COL21A1: variants seen among roughly 807,000 people sequenced by gnomAD.
COL21A1 encodes the protein collagen alpha-1(XXI) chain.
In COL21A1, 149 loss-of-function variants were observed where a neutral mutation model predicts 137.9. That is an observed-to-expected ratio of 1.08 (90% CI 0.95 to 1.24). The LOEUF (loss-of-function observed/expected upper bound fraction) is 1.24. COL21A1 is among the 50% of genes most tolerant of loss of function. The pLI is 0.00. For missense variants in COL21A1, 1,167 were observed against 1,158.4 expected (o/e 1.01, Z -0.11); for synonymous variants, 456 against 391.5 (o/e 1.16, Z -1.95).
chr6:56,063,837 T>C (rs1401095195), intron 24 of COL21A1, among the ~76,000 whole-genome samples: 5 of 151,790 alleles, frequency 3.3e-5, no homozygotes, highest in Non-Finnish European at 5.9e-5. Flanking sequence ...GAGAAAGAGG[T>C]CCACCCCATG....
chr6:56,098,750 C>A (rs570728050), intron 17 of COL21A1, among the ~76,000 whole-genome samples: 1 of 125,516 alleles, frequency 8.0e-6, no homozygotes, highest in South Asian at 2.4e-4. Context: ...GGGTCTTGCT[C>A]TGTCGCCCAG....
intron 9 of COL21A1, among the ~76,000 whole-genome samples, chr6:56,162,150 TTAGAGTGTTGC>T (rs1371454322): frequency 6.6e-6 from 1 of 152,206 alleles, no homozygotes; most frequent in African/African-American, 2.4e-5. Context: ...GAAGTGCAAC[TTAGAGTGTTGC>T]TAGGGATTCT....
At chr6:56,282,609 A>T (rs1001050148) in intron 1 of COL21A1, among the ~76,000 whole-genome samples, 3 of 152,254 alleles carry the variant, frequency 2.0e-5, no homozygotes, top group African/African-American at 4.8e-5. Context: ...AACATTGCAC[A>T]GCCTGAAAAC....
chr6:56,331,214 A>T (rs1278348856), intron 1 of COL21A1, among the ~76,000 whole-genome samples: 1 of 150,186 alleles, frequency 6.7e-6, no homozygotes, highest in Non-Finnish European at 1.5e-5. Flanking sequence ...TGTTGGATGC[A>T]TAGTTTGTCA....
At chr6:56,063,037 T>C (rs76859423) in intron 24 of COL21A1, among the ~76,000 whole-genome samples, 47 of 152,182 alleles carry the variant, frequency 3.1e-4, no homozygotes, top group African/African-American at 1.1e-3. Flanking sequence ...CATGAAGAGT[T>C]TGGGATGACT....
At position 56,179,948 on chromosome 6, in the gene COL21A1, A is replaced by G; in HGVS notation, c.270T>C (p.Pro90=). Residue 90 remains proline, a synonymous_variant, in exon 3 of 30, where the codon CCT becomes CCC. Coordinates refer to ENST00000244728, the MANE Select transcript of COL21A1 (RefSeq NM_030820.4). ...GTTCTCCTGAATCATAGCTTCCGAG[A>G]GGAATCTCCAGCACAGGGTAGTCAC... The part of the protein sequence containing the change: ...QYSDYPVLEI[P]LGSYDSGEHL... 2 of 1,613,940 alleles carry G rather than the reference A, an allele frequency of 1.2e-6. No individual in the cohort carries two copies. The highest frequency in any genetic ancestry group is 1.7e-6 in the Non-Finnish European group (2 of 1,179,854).
At chr6:56,236,648 T>G (rs901786962) in intron 1 of COL21A1, among the ~76,000 whole-genome samples, 4 of 152,058 alleles carry the variant, frequency 2.6e-5, no homozygotes, top group African/African-American at 9.7e-5. Flanking sequence ...AGTGCTTACC[T>G]CTAGCATTAG....
At chr6:56,250,516 T>C (rs183250337), upstream of COL21A1, among the ~76,000 whole-genome samples, 6 of 152,116 alleles carry the variant, frequency 3.9e-5, 1 homozygote, top group South Asian at 1.0e-3. Context: ...GAGACTTCAG[T>C]TGTACAACCA....
chr6:56,226,073 T>TTC (rs1781169108), intron 1 of COL21A1, among the ~76,000 whole-genome samples: 1 of 151,898 alleles, frequency 6.6e-6, no homozygotes, highest in Admixed American at 6.6e-5. Flanking sequence ...GTACAAATAG[T>TTC]ACATAGAATT....
intron 23 of COL21A1, 29 bp from the exon 24 acceptor site, chr6:56,064,651 T>C: frequency 6.7e-7 from 1 of 1,486,406 alleles, no homozygotes; most frequent in Non-Finnish European, 9.2e-7. Flanking sequence ...CATTATTGAT[T>C]AGTTTGCACA....
intron 1 of COL21A1, among the ~76,000 whole-genome samples, chr6:56,217,950 GCC>G (rs1561994993): frequency 6.6e-6 from 1 of 152,110 alleles, no homozygotes; most frequent in Admixed American, 6.6e-5. Context: ...GGGATGGCAA[GCC>G]AATTCTAATC....
chr6:56,221,979 A>G (rs1780856594), intron 1 of COL21A1, among the ~76,000 whole-genome samples: 1 of 152,130 alleles, frequency 6.6e-6, no homozygotes, highest in Non-Finnish European at 1.5e-5. Context: ...TCCATTTAAA[A>G]TTGAAAGTGT....
intron 23 of COL21A1, among the ~76,000 whole-genome samples, chr6:56,066,525 T>C (rs1766265352): frequency 6.6e-6 from 1 of 151,892 alleles, no homozygotes; most frequent in African/African-American, 2.4e-5. Context: ...AAAACATCAT[T>C]AAAATACTGT....
At position 56,327,295 on chromosome 6, in the gene COL21A1, TA is replaced by T. The variant is rs548747952; in HGVS notation, c.-39+66675del. On this transcript the variant is annotated intron_variant, in intron 1 of 28. Coordinates refer to the COL21A1 transcript ENST00000370819. ...TAAAATGTTAAAAAATTAAAAATGT[TA>T]AAAAATACTTCATGAAATAAAGATA... 3.2e-4 allele frequency among the ~76,000 whole-genome samples: 49 copies of T among 151,782 alleles called. No individual in the cohort carries two copies. In the South Asian group the frequency reaches 8.3e-3, roughly 26 times the overall value.
At chr6:56,324,884 T>A (rs1222039121) in intron 1 of COL21A1, among the ~76,000 whole-genome samples, 1 of 151,902 alleles carries the variant, frequency 6.6e-6, no homozygotes, top group Non-Finnish European at 1.5e-5. Context: ...TTTTCTTATC[T>A]TGCCCCAAAG....
intron 1 of COL21A1, 77 bp from the exon 2 acceptor site, chr6:56,182,733 CAA>C: frequency 1.5e-6 from 1 of 666,916 alleles, no homozygotes; most frequent in Admixed American, 2.8e-5. Flanking sequence ...CATTTTGAAA[CAA>C]GAGCCAATTG....
chr6:56,383,550 T>C (rs926530), intron 1 of COL21A1, among the ~76,000 whole-genome samples: 46,194 of 152,062 alleles, frequency 0.3, 8,041 homozygotes, highest in East Asian at 0.62. Context: ...GAAGACAGAG[T>C]AGGTCTCCTG....
At chr6:56,059,959 A>G in intron 28 of COL21A1, 59 bp downstream of exon 28, 1 of 1,285,892 alleles carries the variant, frequency 7.8e-7, no homozygotes, top group Middle Eastern at 1.9e-4. Context: ...GATATAGGGT[A>G]TGAATTTTTA....
At chr6:56,235,818 CT>C (rs997688025) in intron 1 of COL21A1, among the ~76,000 whole-genome samples, 35 of 151,432 alleles carry the variant, frequency 2.3e-4, no homozygotes, top group African/African-American at 8.2e-4. Context: ...GAATAGAAGA[CT>C]TTGGACAAAA....
Sources: allele counts gnomAD v4.1 joint callset (sites outside exome capture counted in the v4.1 genomes callset), GRCh38; gene constraint gnomAD v4.1.1; transcripts MANE v1.5; gene names NCBI Gene and HGNC (gene_info 2026-07-23, HGNC 2026-07-21).